MRO: variants seen among roughly 807,000 people sequenced by gnomAD.
The protein encoded by MRO is protein maestro.
MRO carries 28 observed loss-of-function variants against 31.0 expected under a neutral mutation model. The ratio of observed to expected loss-of-function variants is 0.90; its 90% CI spans 0.67 to 1.24. MRO has a LOEUF of 1.24. Among genes scored for constraint, MRO ranks in the 50% most tolerant of loss-of-function variants. MRO has a pLI of 0.00. For synonymous variants in MRO, 108 were observed against 108.4 expected, an observed-to-expected ratio of 1.00 and a Z score of 0.02; for missense variants, 332 against 289.2, an observed-to-expected ratio of 1.15 and a Z score of -1.07.
rs1027763826 is a variant in MRO, at chr18:50,795,757, T to C, written c.*3580A>G. On this transcript the variant is annotated 3_prime_UTR_variant, in exon 8 of 8. Transcript: ENST00000398439. ...GAGTTTGAGACCAGCCTGGCCAACA[T>C]GGTGAAACCCCGTCTCTACTAAAAA... 1 of 152,278 alleles carries C rather than the reference T, an allele frequency of 6.6e-6. No individual in the cohort carries two copies. Among genetic ancestry groups the C allele is most frequent in the Non-Finnish European group, 1.5e-5 (1 of 68,138 alleles). 9.4% of individuals were successfully genotyped at this position (152,278 alleles called of 1,614,324 possible).
At position 50,800,048 on chromosome 18, in the gene MRO, G is replaced by A. The variant is rs747185478; in HGVS notation, c.681C>T (p.Leu227=). Residue 227 remains leucine, a synonymous_variant, in exon 7 of 8, where the codon CTC becomes CTT. Transcript: ENST00000398439. Reference sequence around the variant, plus strand: ...CTGGCTCACTCACCAGCTGCTGGTAGAGCTTAGTGTTCCTTTGATCTTCTT... The same window carrying A: ...CTGGCTCACTCACCAGCTGCTGGTAAAGCTTAGTGTTCCTTTGATCTTCTT... The part of the protein sequence containing the change: ...QSEEDQRNTK[L]YQQLSHYHPE... 5 of 1,612,262 alleles carry A rather than the reference G, an allele frequency of 3.1e-6. No homozygotes were observed. Among genetic ancestry groups the A allele is most frequent in the South Asian group, 1.1e-5 (1 of 90,966 alleles).
rs1043200017 is a variant in MRO, at chr18:50,796,761, A to C, written c.*2576T>G. ...GAAGAAAACGAAGGTTGAAAGCCTGAAATGGCAGACTGGACATTGGACTTT... is the reference window on the plus strand; with the variant it reads ...GAAGAAAACGAAGGTTGAAAGCCTGCAATGGCAGACTGGACATTGGACTTT... On this transcript the variant is annotated 3_prime_UTR_variant, in exon 8 of 8. Coordinates refer to ENST00000398439, the MANE Select transcript of MRO (RefSeq NM_031939.6). 6.6e-6 allele frequency: 1 copy of C among 152,264 alleles called. No individual in the cohort carries two copies. The highest frequency in any genetic ancestry group is 1.5e-5 in the Non-Finnish European group (1 of 68,054). 9.4% of individuals were successfully genotyped at this position (152,264 alleles called of 1,614,324 possible). A position where few individuals can be genotyped will look rare whatever the true frequency, so the allele number is the denominator to read the frequency against.
intron 2 of MRO, chr18:50,815,786 C>T (rs1357188631): frequency 1.2e-5 from 4 of 338,124 alleles, no homozygotes; most frequent in Admixed American, 1.0e-4. Context: ...GTAATCCCAG[C>T]ACTTTGGGAA....
chr18:50,807,276 G>A (rs1914038892), intron 3 of MRO, among the ~76,000 whole-genome samples: 1 of 152,050 alleles, frequency 6.6e-6, no homozygotes, highest in African/African-American at 2.4e-5. Flanking sequence ...GCTCTCCTTT[G>A]TAGCCAAATG....
chr18:50,822,789 G>T (rs1915354869), upstream of MRO, among the ~76,000 whole-genome samples: 1 of 149,178 alleles, frequency 6.7e-6, no homozygotes, highest in African/African-American at 2.5e-5. Flanking sequence ...CACAGGTTGG[G>T]TTTAGCAGCT....
intron 5 of MRO, 46 bp from the exon 6 acceptor site, chr18:50,801,550 A>G: frequency 6.5e-7 from 1 of 1,541,600 alleles, no homozygotes; most frequent in African/African-American, 1.4e-5. Context: ...GATCATTACC[A>G]AAAGGCAACT....
intron 2 of MRO, among the ~76,000 whole-genome samples, chr18:50,817,367 G>A (rs1211139026): frequency 6.6e-6 from 1 of 152,100 alleles, no homozygotes; most frequent in African/African-American, 2.4e-5. Flanking sequence ...GGGTGCAGTG[G>A]CTCACACCTG....
intron 1 of MRO, 58 bp from the exon 2 acceptor site, chr18:50,819,760 C>T (rs895202859): frequency 1.0e-5 from 16 of 1,547,120 alleles, no homozygotes; most frequent in Non-Finnish European, 1.3e-5. Context: ...GATAACGGGT[C>T]GGCACAGAGT....
rs542254605 is a variant in MRO at position 50,819,562 on chromosome 18, G to A, written c.-5+19C>T. 3.2e-6 allele frequency: 5 copies of A among 1,551,354 alleles called. No individual in the cohort carries two copies. The highest frequency in any genetic ancestry group is 2.0e-5 in the Admixed American group (1 of 50,968). On this transcript the variant is annotated intron_variant, in intron 2 of 7. Coordinates refer to ENST00000398439, the MANE Select transcript of MRO (RefSeq NM_031939.6). ...GCCTCCCGCTGCATCTGGCTGCCCC[G>A]GCCAACAGTGTCCCTTACCTGCGGC...
At chr18:50,810,841 A>G (rs1403245257) in intron 2 of MRO, among the ~76,000 whole-genome samples, 1 of 152,188 alleles carries the variant, frequency 6.6e-6, no homozygotes, top group East Asian at 1.9e-4. Flanking sequence ...AAGGGCATAA[A>G]GTTTGTTTTT....
At chr18:50,800,177 G>C (rs1361582137) in intron 6 of MRO, 34 bp from the exon 7 acceptor site, 3 of 1,444,290 alleles carry the variant, frequency 2.1e-6, no homozygotes, top group Admixed American at 3.5e-5. Flanking sequence ...TTATTTATTA[G>C]AGAGTTCCAT....
chr18:50,809,296 T>C lies in MRO; in HGVS notation c.99+6A>G. 6.2e-7 allele frequency: 1 copy of C among 1,608,640 alleles called. No homozygotes were observed. Among genetic ancestry groups the C allele is most frequent in the Non-Finnish European group, 8.5e-7 (1 of 1,175,564 alleles). On this transcript the variant is annotated splice_donor_region_variant and intron_variant, in intron 3 of 7. Transcript: ENST00000398439. ...AGAAATTTGTTCATAATATTTTGTG[T>C]CAGACCTTGGAAAAGAAAGATATCA...
rs1208048463 is a variant in MRO, at chr18:50,809,360, G to C, written c.41C>G (p.Ser14Cys). 6.2e-7 allele frequency: 1 copy of C among 1,613,716 alleles called. No individual in the cohort carries two copies. Among genetic ancestry groups the C allele is most frequent in the East Asian group, 2.2e-5 (1 of 44,864 alleles). The change falls in exon 3 of 8, where the codon TCC becomes TGC. Residue 14 changes from serine to cysteine, a missense_variant. Physicochemically the swap from Ser to Cys is moderately radical, Grantham distance 112. Transcript: ENST00000398439. Reference protein sequence around the residue: ...RQRRILGQPLSIPTSQPKQKR... With the variant: ...RQRRILGQPLCIPTSQPKQKR... ...CTGCTTGGGCTGGGAAGTAGGGATG[G>C]AAAGGGGCTGGCCCAGGATTCTCCT...
In MRO at chr18:50,799,231, A is replaced by G; in HGVS notation, c.*106T>C. ...TCCCAGCACCCTCTTTCCCATTACA[A>G]TCCCAAGAGGCAAGCAGTGAGAAGA... On this transcript the variant is annotated 3_prime_UTR_variant, in exon 8 of 8. Coordinates refer to ENST00000398439, the MANE Select transcript of MRO (RefSeq NM_031939.6). 1 of 980,326 alleles carries G rather than the reference A, an allele frequency of 1.0e-6. No individual in the cohort carries two copies. Among genetic ancestry groups the G allele is most frequent in the Non-Finnish European group, 1.6e-6 (1 of 616,730 alleles). The allele number at this position is 980,326 out of a possible 1,614,324, so 60.7% of individuals were successfully genotyped here. A position where few individuals can be genotyped will look rare whatever the true frequency, so the allele number is the denominator to read the frequency against.
intron 2 of MRO, chr18:50,815,765 G>C: frequency 2.5e-6 from 1 of 404,158 alleles, no homozygotes; most frequent in Admixed American, 2.7e-5. Flanking sequence ...TGGGCACGGT[G>C]GCTCACACCT....
At position 50,800,100 on chromosome 18, in the gene MRO, A is replaced by G. The variant is rs748254316; in HGVS notation, c.629T>C (p.Leu210Pro). Residue 210 changes from leucine (L) to proline (P), a missense_variant, in exon 7 of 8, where the codon CTA (leucine) becomes CCA (proline). By Grantham distance (98) the Leu-to-Pro change is moderately conservative (BLOSUM62 -3). Coordinates refer to ENST00000398439, the MANE Select transcript of MRO (RefSeq NM_031939.6). Reference protein sequence around the residue: ...TFQACSPYLKLKEEYSFQSEE... With the variant: ...TFQACSPYLKPKEEYSFQSEE... ...ACTCTGGAAGCTGTATTCCTCCTTT[A>G]GTTTCAGATATGGAGAACAGGCTTG... is the stretch of plus-strand genomic sequence containing the variant. The G allele has an allele frequency of 8.7e-6, 14 of 1,613,772 alleles. No individual in the cohort carries two copies. The highest frequency in any genetic ancestry group is 1.1e-5 in the Non-Finnish European group (13 of 1,179,754).
upstream of MRO, among the ~76,000 whole-genome samples, chr18:50,820,469 G>A (rs1389486595): frequency 2.6e-5 from 4 of 152,062 alleles, no homozygotes; most frequent in South Asian, 6.2e-4. Flanking sequence ...ATTAGTTATC[G>A]TCTCGCTCTG....
chr18:50,799,529 C>G, intron 7 of MRO, 139 bp from the exon 8 acceptor site: 2 of 747,174 alleles, frequency 2.7e-6, no homozygotes, highest in Non-Finnish European at 4.7e-6. Context: ...CAGCTAGTGA[C>G]CTGAATTGGA....
At chr18:50,820,212 A>G, upstream of MRO, 3 of 567,272 alleles carry the variant, frequency 5.3e-6, no homozygotes, top group South Asian at 2.1e-5. Context: ...TTCCATGCCA[A>G]GCAGCCTCAT....
Sources: gnomAD v4.1 joint callset for allele counts (sites outside exome capture counted in the v4.1 genomes callset) on GRCh38, gnomAD v4.1.1 for gene constraint, MANE v1.5 for transcripts, NCBI Gene and HGNC (gene_info 2026-07-23, HGNC 2026-07-21) for gene names.